The following IL1RAP variants were observed in gnomAD, a reference collection of about 807,000 sequenced individuals.
The protein encoded by IL1RAP is interleukin-1 receptor accessory protein.
In IL1RAP, 35 loss-of-function variants were observed where a neutral mutation model predicts 60.7. The observed-to-expected ratio is 0.58, with a 90% CI of 0.44 to 0.76. The LOEUF (loss-of-function observed/expected upper bound fraction) is 0.76, where lower values mean the gene tolerates loss of function less well. Among genes scored for constraint, IL1RAP ranks in the 30% least tolerant of loss-of-function variants. The pLI is 0.00. For missense variants in IL1RAP, 572 were observed against 693.9 expected (o/e 0.82, Z 1.97); for synonymous variants, 268 against 250.9 (o/e 1.07, Z -0.64).
chr3:190,651,801 G>A (rs1734413653), downstream of IL1RAP, among the ~76,000 whole-genome samples: 1 of 151,488 alleles, frequency 6.6e-6, no homozygotes, highest in South Asian at 2.1e-4. Context: ...GTATGTGTAT[G>A]TGTATGTGTG....
chr3:190,645,371 C>T (rs2108857930), intron 10 of IL1RAP, among the ~76,000 whole-genome samples: 2 of 152,268 alleles, frequency 1.3e-5, no homozygotes, highest in East Asian at 3.9e-4. Flanking sequence ...TAGGCTTGGA[C>T]AGGAAGTTGA....
In IL1RAP at chr3:190,650,070, T is replaced by A; in HGVS notation, c.*1365T>A. The A allele has an allele frequency of 3.1e-6, 2 of 643,046 alleles. No homozygotes were observed. The highest frequency in any genetic ancestry group is 3.9e-6 in the Non-Finnish European group (2 of 518,326). 39.8% of individuals were successfully genotyped at this position (643,046 alleles called of 1,614,324 possible). On this transcript the variant is annotated 3_prime_UTR_variant, in exon 12 of 12. Coordinates refer to ENST00000447382, the MANE Select transcript of IL1RAP (RefSeq NM_002182.4). ...TCCACATGCACATGAAATATATATA[T>A]ATATATAATTTGTGTGTGTGTATGT...
At chr3:190,520,441 C>T (rs1721915541) in intron 1 of IL1RAP, 1 of 152,086 alleles carries the variant, frequency 6.6e-6, no homozygotes, top group Non-Finnish European at 1.5e-5. Flanking sequence ...GAAAGTTAGA[C>T]ATTACTAGCT....
intron 3 of IL1RAP, among the ~76,000 whole-genome samples, chr3:190,585,278 C>T (rs540268386): frequency 2.0e-5 from 3 of 152,276 alleles, no homozygotes; most frequent in South Asian, 4.1e-4. Flanking sequence ...ACAGTGCCCA[C>T]TCTAACCATT....
In IL1RAP at chr3:190,630,155, A is replaced by G. The variant is rs955826992; in HGVS notation, c.1051+657A>G. The G allele has an allele frequency of 6.6e-5, 50 of 761,654 alleles. No homozygotes were observed. In the African/African-American group the frequency reaches 8.9e-4, roughly 14 times the overall value. 47.2% of individuals were successfully genotyped at this position (761,654 alleles called of 1,614,324 possible). On this transcript the variant is annotated intron_variant, in intron 9 of 11. Coordinates refer to ENST00000447382, the MANE Select transcript of IL1RAP (RefSeq NM_002182.4). ...GGTTTATAATATACCAGCAGCCACA[A>G]TTGCTAAAATGAAAATCATTTAAAT... is the stretch of plus-strand genomic sequence containing the variant.
chr3:190,655,421 A>AAAGACTC (rs1308009648), downstream of IL1RAP, among the ~76,000 whole-genome samples: 9 of 152,354 alleles, frequency 5.9e-5, no homozygotes, highest in East Asian at 1.7e-3. Context: ...CTAAACATTT[A>AAAGACTC]AAGACTCAAG....
At chr3:190,597,340 A>G (rs987863827) in intron 3 of IL1RAP, among the ~76,000 whole-genome samples, 1 of 152,170 alleles carries the variant, frequency 6.6e-6, no homozygotes, top group African/African-American at 2.4e-5. Flanking sequence ...TTGTTAATCA[A>G]GATAGGCAGT....
rs1329657304 is a variant in IL1RAP, at chr3:190,607,682, A to G, written c.351-1313A>G. On this transcript the variant is annotated intron_variant, in intron 4 of 11. Transcript: ENST00000447382. ...AGACGGAACAACGTGTGTGAACATT[A>G]TAGCACCAATGTAATTCCCCAGTCA... Among the ~76,000 whole-genome samples the G allele has an allele frequency of 3.3e-5, 5 of 152,332 alleles. No homozygotes were observed. The East Asian group carries it at 9.7e-4, about 29-fold the overall frequency.
chr3:190,655,574 TG>T, downstream of IL1RAP, among the ~76,000 whole-genome samples: 1 of 150,146 alleles, frequency 6.7e-6, no homozygotes, highest in East Asian at 2.0e-4. Context: ...TGTGTGTGTG[TG>T]TGTGTGTGTG....
chr3:190,537,206 A>C (rs3773991), intron 1 of IL1RAP, among the ~76,000 whole-genome samples: 16,305 of 151,970 alleles, frequency 0.11, 1,248 homozygotes, highest in East Asian at 0.36. Flanking sequence ...CTTTAGATAC[A>C]TTTTCTCTTC....
intron 3 of IL1RAP, 66 bp from the exon 4 acceptor site, chr3:190,604,062 G>A (rs1730079938): frequency 6.7e-7 from 1 of 1,495,000 alleles, no homozygotes; most frequent in African/African-American, 1.4e-5. Flanking sequence ...GAGAAGGTGT[G>A]TTCTTTTGAG....
At chr3:190,644,463 A>T (rs1733871651) in intron 10 of IL1RAP, 66 bp downstream of exon 10, 1 of 1,236,314 alleles carries the variant, frequency 8.1e-7, no homozygotes, top group Admixed American at 2.2e-5. Flanking sequence ...TTGTAAAAAA[A>T]AGAAAAAAGA....
chr3:190,545,836 A>G (rs1724319282), intron 1 of IL1RAP, among the ~76,000 whole-genome samples: 1 of 152,276 alleles, frequency 6.6e-6, no homozygotes. Context: ...CTGCTAGGGT[A>G]TGTATATATG....
chr3:190,580,625 T>G (rs753265989), intron 3 of IL1RAP, among the ~76,000 whole-genome samples: 20 of 152,108 alleles, frequency 1.3e-4, no homozygotes, highest in Admixed American at 3.9e-4. Flanking sequence ...AGTAGAATGG[T>G]GGTTGCCAGA....
intron 9 of IL1RAP, among the ~76,000 whole-genome samples, chr3:190,636,857 GTCTT>G: frequency 6.6e-6 from 1 of 152,032 alleles, no homozygotes; most frequent in South Asian, 2.1e-4. Flanking sequence ...TTGTCCACCT[GTCTT>G]TATTTTTATC....
At chr3:190,656,241 T>G, downstream of IL1RAP, 1 of 1,537,082 alleles carries the variant, frequency 6.5e-7, no homozygotes, top group Non-Finnish European at 8.7e-7. Context: ...CTGACATCAG[T>G]CTGGATCACG....
intron 1 of IL1RAP, among the ~76,000 whole-genome samples, chr3:190,519,928 TAAAG>T (rs1317465737): frequency 6.6e-6 from 1 of 152,114 alleles, no homozygotes; most frequent in African/African-American, 2.4e-5. Context: ...TTAGTGAAAT[TAAAG>T]AAAGATAGAG....
At chr3:190,640,407 A>G (rs1162319648) in intron 9 of IL1RAP, among the ~76,000 whole-genome samples, 1 of 152,240 alleles carries the variant, frequency 6.6e-6, no homozygotes, top group Non-Finnish European at 1.5e-5. Flanking sequence ...GTTTTAACAC[A>G]CTATAATAGC....
rs1373543420 is a variant in IL1RAP at position 190,649,602 on chromosome 3, A to G, written c.*897A>G. On this transcript the variant is annotated 3_prime_UTR_variant, in exon 12 of 12. Transcript: ENST00000447382. ...AAGAGCACAGAAAAGGATGTTTGGC[A>G]ATTTGTCTTTTAAGTCTTAACCTTG... The G allele has an allele frequency of 9.1e-6, 9 of 985,712 alleles. No individual in the cohort carries two copies. The highest frequency in any genetic ancestry group is 8.4e-6 in the Non-Finnish European group (7 of 829,928). 61.1% of individuals were successfully genotyped at this position (985,712 alleles called of 1,614,324 possible). A position where few individuals can be genotyped will look rare whatever the true frequency, so the allele number is the denominator to read the frequency against.
Sources: allele counts gnomAD v4.1 joint callset (sites outside exome capture counted in the v4.1 genomes callset), GRCh38; gene constraint gnomAD v4.1.1; transcripts MANE v1.5; gene names NCBI Gene and HGNC (gene_info 2026-07-23, HGNC 2026-07-21).